The following CLEC4A variants were observed in gnomAD, a reference collection of about 807,000 sequenced individuals.
CLEC4A encodes the protein C-type lectin domain family 4 member A.
A neutral mutation model predicts 32.7 loss-of-function variants in CLEC4A; 27 were observed. That is an observed-to-expected ratio of 0.83 (90% confidence interval 0.61 to 1.14). The LOEUF is 1.14. Among genes scored for constraint, CLEC4A ranks in the 50% most tolerant of loss-of-function variants. The pLI is 0.00. For synonymous variants in CLEC4A, 89 were observed against 93.7 expected (o/e 0.95, Z 0.29); for missense variants, 253 against 274.6 (o/e 0.92, Z 0.55).
At chr12:8,126,659 C>T (rs1221689651) in intron 2 of CLEC4A, among the ~76,000 whole-genome samples, 1 of 152,064 alleles carries the variant, frequency 6.6e-6, no homozygotes, top group Non-Finnish European at 1.5e-5. Context: ...AGCCACAGCC[C>T]CTGGTCTCAA....
intron 2 of CLEC4A, among the ~76,000 whole-genome samples, chr12:8,128,821 A>C (rs1947944101): frequency 6.6e-6 from 1 of 152,162 alleles, no homozygotes; most frequent in African/African-American, 2.4e-5. Flanking sequence ...GAGGAAGAAA[A>C]TAATGCCCTC....
At chr12:8,134,227 C>G in intron 3 of CLEC4A, 1 of 1,611,952 alleles carries the variant, frequency 6.2e-7, no homozygotes. Context: ...TGTCAGCTTC[C>G]TCCACCCACT....
chr12:8,129,720 G>A (rs930750249), intron 3 of CLEC4A, among the ~76,000 whole-genome samples: 1 of 152,202 alleles, frequency 6.6e-6, no homozygotes, highest in African/African-American at 2.4e-5. Context: ...GAACCCGGGA[G>A]GCAGAGGTTG....
chr12:8,137,328 G>C (rs1191263231), intron 5 of CLEC4A, among the ~76,000 whole-genome samples: 1 of 151,976 alleles, frequency 6.6e-6, no homozygotes, highest in Admixed American at 6.6e-5. Context: ...AACCAGGCTG[G>C]AGTGCAGTGG....
At chr12:8,107,334 C>CT in the CLEC4A span, among the ~76,000 whole-genome samples, 1 of 152,008 alleles carries the variant, frequency 6.6e-6, no homozygotes, top group Admixed American at 6.6e-5. Flanking sequence ...ACCTGGTTTC[C>CT]TTTTTTATTC....
chr12:8,126,230 C>T (rs748947084), intron 2 of CLEC4A, among the ~76,000 whole-genome samples: 124 of 152,102 alleles, frequency 8.2e-4, no homozygotes, highest in African/African-American at 2.9e-3. Flanking sequence ...AGTTTTATTC[C>T]CCCTGGTTCT....
At chr12:8,133,243 G>T (rs1488513885) in intron 3 of CLEC4A, among the ~76,000 whole-genome samples, 1 of 151,890 alleles carries the variant, frequency 6.6e-6, no homozygotes, top group Non-Finnish European at 1.5e-5. Context: ...TAGAGACAGG[G>T]TTTCGCCATG....
At chr12:8,131,211 T>G (rs919237241) in intron 3 of CLEC4A, among the ~76,000 whole-genome samples, 2 of 152,230 alleles carry the variant, frequency 1.3e-5, no homozygotes, top group Admixed American at 6.5e-5. Context: ...CTTGATCACT[T>G]GGTTAAGGTA....
chr12:8,133,314 G>C (rs1261760444), intron 3 of CLEC4A, among the ~76,000 whole-genome samples: 1 of 152,174 alleles, frequency 6.6e-6, no homozygotes, highest in Non-Finnish European at 1.5e-5. Context: ...GCCTCCTAAA[G>C]TGCTGGGTTT....
the CLEC4A span, among the ~76,000 whole-genome samples, chr12:8,103,007 G>C: frequency 6.6e-6 from 1 of 151,886 alleles, no homozygotes; most frequent in Admixed American, 6.6e-5. Flanking sequence ...TTAAGTTTTT[G>C]TTTGGGAAAA....
At chr12:8,129,658 G>A (rs1337119095) in intron 3 of CLEC4A, among the ~76,000 whole-genome samples, 1 of 152,146 alleles carries the variant, frequency 6.6e-6, no homozygotes, top group Non-Finnish European at 1.5e-5. Context: ...AGGCATGGTG[G>A]TACACACCTG....
the CLEC4A span, among the ~76,000 whole-genome samples, chr12:8,111,935 GT>G: frequency 0.27 from 40,691 of 148,046 alleles, 6,247 homozygotes; most frequent in East Asian, 0.43. Flanking sequence ...GTGTGTGTGT[GT>G]GTGTGTGTGT....
At chr12:8,132,832 G>T (rs891907348) in intron 3 of CLEC4A, among the ~76,000 whole-genome samples, 1 of 151,688 alleles carries the variant, frequency 6.6e-6, no homozygotes, top group Non-Finnish European at 1.5e-5. Flanking sequence ...ACACATTTGG[G>T]GTCACTTTAC....
rs781187035 is a variant in CLEC4A at position 8,137,744 on chromosome 12, A to G, written c.567-396A>G. On this transcript the variant is annotated intron_variant, in intron 5 of 5. Transcript: ENST00000229332. ...ATTCAAAAGATTTTACTAGTTCTCT[A>G]GACTTTAAAAACAGTGCATTAAAAA... 2.6e-5 allele frequency among the ~76,000 whole-genome samples: 4 copies of G among 152,292 alleles called. No homozygotes were observed. The East Asian group carries it at 7.7e-4, about 29-fold the overall frequency.
the CLEC4A span, among the ~76,000 whole-genome samples, chr12:8,103,613 C>T: frequency 3.3e-4 from 50 of 152,200 alleles, no homozygotes; most frequent in East Asian, 9.7e-3. Context: ...TCTTGATCTC[C>T]TGACCTCATG....
At chr12:8,136,667 G>A (rs74062914) in intron 4 of CLEC4A, 121 bp from the exon 5 acceptor site, 11,836 of 585,740 alleles carry the variant, frequency 0.02, 907 homozygotes, top group African/African-American at 0.18. Flanking sequence ...CCATTCCTAC[G>A]TAGAGCTCTA....
At chr12:8,109,774 C>T in the CLEC4A span, among the ~76,000 whole-genome samples, 4 of 151,988 alleles carry the variant, frequency 2.6e-5, no homozygotes, top group Non-Finnish European at 5.9e-5. Flanking sequence ...ATGGTAAGTG[C>T]CGTTTAAATA....
chr12:8,106,414 A>T, the CLEC4A span, among the ~76,000 whole-genome samples: 1 of 152,192 alleles, frequency 6.6e-6, no homozygotes, highest in Non-Finnish European at 1.5e-5. Context: ...GTTTTAAAAA[A>T]ATTCTGTGAA....
chr12:8,127,861 G>T (rs1462785781), intron 2 of CLEC4A, among the ~76,000 whole-genome samples: 8 of 152,198 alleles, frequency 5.3e-5, no homozygotes, highest in African/African-American at 1.9e-4. Context: ...CAAAGAGGTA[G>T]ACAATATAGG....
Sources: gnomAD v4.1 joint callset for allele counts (sites outside exome capture counted in the v4.1 genomes callset) on GRCh38, gnomAD v4.1.1 for gene constraint, MANE v1.5 for transcripts, NCBI Gene and HGNC (gene_info 2026-07-23, HGNC 2026-07-21) for gene names.